The following PTPRN2 variants were observed in gnomAD, a reference collection of about 807,000 sequenced individuals.
PTPRN2 encodes protein tyrosine phosphatase receptor type N2.
Under a neutral mutation model 118.8 loss-of-function variants are expected in PTPRN2, and 74 were observed. The ratio of observed to expected loss-of-function variants is 0.62; its 90% confidence interval spans 0.52 to 0.76. The LOEUF is 0.76. Among genes scored for constraint, PTPRN2 ranks in the 30% least tolerant of loss-of-function variants. The pLI, the probability that PTPRN2 is intolerant of heterozygous loss-of-function variation, is 0.00. For missense variants in PTPRN2, 1,481 were observed against 1,394.4 expected, an observed-to-expected ratio of 1.06 and a Z score of -0.99; for synonymous variants, 641 against 608.0, an observed-to-expected ratio of 1.05 and a Z score of -0.80.
At chr7:157,744,182 C>T (rs79998186) in intron 12 of PTPRN2, among the ~76,000 whole-genome samples, 6,512 of 152,278 alleles carry the variant, frequency 0.043, 197 homozygotes, top group Non-Finnish European at 0.063. Flanking sequence ...GGAATCAGAG[C>T]GTAAACAAGC....
chr7:158,459,662 G>A lies in PTPRN2; in HGVS notation c.163+30073C>T, dbSNP rs542487900. Among the ~76,000 whole-genome samples the A allele has an allele frequency of 9.9e-4, 151 of 152,296 alleles. 1 individual carries two copies. The highest frequency in any genetic ancestry group is 3.4e-3 in the African/African-American group (140 of 41,568). ...AATGTCCAGTGGCCCCTGTCCAGCC[G>A]CTGTGGCTGCCCACATCATGGTGCT... is the stretch of plus-strand genomic sequence containing the variant. On this transcript the variant is annotated intron_variant, in intron 2 of 22. Coordinates refer to ENST00000389418, the MANE Select transcript of PTPRN2 (RefSeq NM_002847.5).
chr7:158,038,312 A>G (rs540767634), intron 11 of PTPRN2, among the ~76,000 whole-genome samples: 10 of 152,328 alleles, frequency 6.6e-5, no homozygotes, highest in African/African-American at 2.4e-4. Flanking sequence ...AGGGTATTTC[A>G]ACAATTAAAT....
intron 9 of PTPRN2, among the ~76,000 whole-genome samples, chr7:158,117,156 A>G (rs1010919800): frequency 6.6e-6 from 1 of 152,136 alleles, no homozygotes; most frequent in Non-Finnish European, 1.5e-5. Context: ...AAATGCTTGA[A>G]GAACAAAAGA....
chr7:158,320,540 CCGCGTCCTCGGCAGCGCCGGG>C (rs1563134644), intron 2 of PTPRN2, among the ~76,000 whole-genome samples: 10 of 57,592 alleles, frequency 1.7e-4, no homozygotes, highest in African/African-American at 3.1e-4. Flanking sequence ...GTCCGTGTTC[CCGCGTCCTCGGCAGCGCCGGG>C]TGGCGTCCGT....
intron 11 of PTPRN2, among the ~76,000 whole-genome samples, chr7:157,936,964 C>G (rs1316396330): frequency 6.6e-6 from 1 of 152,234 alleles, no homozygotes; most frequent in South Asian, 2.1e-4. Flanking sequence ...AGTATTCTTT[C>G]TGCAATATTC....
chr7:158,216,454 A>G (rs144362113), intron 3 of PTPRN2, among the ~76,000 whole-genome samples: 73 of 152,240 alleles, frequency 4.8e-4, no homozygotes, highest in African/African-American at 1.7e-3. Context: ...AGACTCAACT[A>G]TACACTATAT....
At chr7:158,289,270 C>G (rs919927803) in intron 3 of PTPRN2, among the ~76,000 whole-genome samples, 1 of 152,042 alleles carries the variant, frequency 6.6e-6, no homozygotes, top group African/African-American at 2.4e-5. Flanking sequence ...GTCCCTTGGT[C>G]TCTCTTCTCC....
intron 12 of PTPRN2, among the ~76,000 whole-genome samples, chr7:157,774,639 G>C (rs932920891): frequency 1.3e-5 from 2 of 152,198 alleles, no homozygotes; most frequent in African/African-American, 4.8e-5. Context: ...TCAGGGCTCA[G>C]AGCTGTAACT....
At chr7:158,067,243 G>T (rs1431977547) in intron 11 of PTPRN2, among the ~76,000 whole-genome samples, 1 of 152,228 alleles carries the variant, frequency 6.6e-6, no homozygotes, top group Non-Finnish European at 1.5e-5. Flanking sequence ...TGCACCCAGG[G>T]TGTCTCCTGA....
chr7:158,009,651 T>A (rs1805900317), intron 11 of PTPRN2, among the ~76,000 whole-genome samples: 1 of 152,146 alleles, frequency 6.6e-6, no homozygotes, highest in African/African-American at 2.4e-5. Context: ...AAGGACACAT[T>A]TAAATTCTGG....
rs1429013652 is a variant in PTPRN2 at position 157,622,804 on chromosome 7, C to A, written c.2197-1295G>T. 6.6e-6 allele frequency among the ~76,000 whole-genome samples: 1 copy of A among 152,202 alleles called. No homozygotes were observed. The highest frequency in any genetic ancestry group is 6.5e-5 in the Admixed American group (1 of 15,288). ...GTTGTCACTGTCACCCCCACCATGG[C>A]CCTGCTTGAGCTAGTTGGGAAAAGC... On this transcript the variant is annotated intron_variant, in intron 14 of 22. Transcript: ENST00000389418. The surrounding 1 kb of genome is among the most constrained non-coding windows in gnomAD (Gnocchi z 5.3).
At chr7:157,628,874 T>C (rs2150664052) in intron 14 of PTPRN2, among the ~76,000 whole-genome samples, 1 of 152,272 alleles carries the variant, frequency 6.6e-6, no homozygotes, top group African/African-American at 2.4e-5. Context: ...ACATGTCCAC[T>C]CTCTTCTGTT....
Position 158,495,523 on chromosome 7 carries a change from G to A in PTPRN2, c.113-5738C>T, listed in dbSNP as rs537274235. Among the ~76,000 whole-genome samples, 71 of 152,164 alleles carry A rather than the reference G, an allele frequency of 4.7e-4. 1 individual carries two copies. The South Asian group carries it at 0.014, about 31-fold the overall frequency. On this transcript the variant is annotated intron_variant, in intron 1 of 22. Coordinates refer to ENST00000389418, the MANE Select transcript of PTPRN2 (RefSeq NM_002847.5). ...GAGTGAAGCGCCTGCCTGCTGGCAG[G>A]TGGGCATTGCCTGGGCCATAGCTAC...
chr7:158,211,284 C>T (rs1827581741), intron 3 of PTPRN2, among the ~76,000 whole-genome samples: 1 of 152,066 alleles, frequency 6.6e-6, no homozygotes, highest in African/African-American at 2.4e-5. Context: ...TTAGTAATAC[C>T]CCATGAGCAC....
At chr7:157,834,907 A>G (rs1189589285) in intron 12 of PTPRN2, among the ~76,000 whole-genome samples, 1 of 152,216 alleles carries the variant, frequency 6.6e-6, no homozygotes, top group Non-Finnish European at 1.5e-5. Flanking sequence ...TGCAGCTGTG[A>G]ACATTGACCT....
chr7:158,298,320 A>AAGGAATAAAAT (rs1163993329), intron 3 of PTPRN2, among the ~76,000 whole-genome samples: 3 of 152,210 alleles, frequency 2.0e-5, no homozygotes, highest in Admixed American at 2.0e-4. Flanking sequence ...GGCACACAAA[A>AAGGAATAAAAT]AGGAATAAAA....
chr7:157,876,583 C>T (rs1425536940), intron 12 of PTPRN2, among the ~76,000 whole-genome samples: 1 of 152,170 alleles, frequency 6.6e-6, no homozygotes, highest in Non-Finnish European at 1.5e-5. Context: ...CACAGACGGC[C>T]AAGGCAGGCA....
chr7:158,147,630 C>G (rs1585621438), intron 6 of PTPRN2, among the ~76,000 whole-genome samples: 2 of 116,988 alleles, frequency 1.7e-5, no homozygotes. Flanking sequence ...ACGTGTCTTT[C>G]CCCCTCAATG....
At chr7:157,925,772 TCACAGAGAAA>T (rs143610083) in intron 11 of PTPRN2, among the ~76,000 whole-genome samples, 12,364 of 151,316 alleles carry the variant, frequency 0.082, 1,701 homozygotes, top group African/African-American at 0.28. Flanking sequence ...TAGAGACGCG[TCACAGAGAAA>T]CGACGCTGAA....
Sources: allele counts gnomAD v4.1 joint callset (sites outside exome capture counted in the v4.1 genomes callset), GRCh38; gene constraint gnomAD v4.1.1; non-coding constraint Gnocchi (gnomAD v3.1); transcripts MANE v1.5; gene names NCBI Gene and HGNC (gene_info 2026-07-23, HGNC 2026-07-21).